Variants in FLRT2 observed in about 807,000 individuals in gnomAD.
FLRT2 encodes the protein leucine-rich repeat transmembrane protein FLRT2.
Under a neutral mutation model 40.0 loss-of-function variants are expected in FLRT2, and 15 were observed. The observed-to-expected ratio is 0.38, with a 90% CI of 0.25 to 0.58. The LOEUF (loss-of-function observed/expected upper bound fraction) is 0.58, where lower values mean the gene tolerates loss of function less well. Ranked by LOEUF, FLRT2 falls within the 20% of genes least tolerant of loss-of-function variation. FLRT2 has a pLI of 0.71. For synonymous variants in FLRT2, 380 were observed against 336.8 expected (o/e 1.13, Z -1.41); for missense variants, 726 against 840.0 (o/e 0.86, Z 1.68).
At chr14:85,531,050 C>T (rs1320467915) in intron 1 of FLRT2, 2 of 152,276 alleles carry the variant, frequency 1.3e-5, no homozygotes, top group Non-Finnish European at 2.9e-5. Flanking sequence ...ATACTAATTC[C>T]TTTTCCTTCC....
At chr14:85,541,437 A>G (rs1461155210) in intron 1 of FLRT2, among the ~76,000 whole-genome samples, 1 of 152,196 alleles carries the variant, frequency 6.6e-6, no homozygotes, top group Non-Finnish European at 1.5e-5. Context: ...AAGGGAGTGC[A>G]GTCAACACTA....
intron 1 of FLRT2, among the ~76,000 whole-genome samples, chr14:85,537,297 A>AT (rs1220694696): frequency 2.6e-5 from 4 of 152,068 alleles, no homozygotes; most frequent in Admixed American, 1.3e-4. Context: ...ATTATCTGAC[A>AT]TTTTCCAGAT....
At chr14:85,616,976 T>G (rs2139362146) in intron 1 of FLRT2, among the ~76,000 whole-genome samples, 1 of 152,330 alleles carries the variant, frequency 6.6e-6, no homozygotes, top group Non-Finnish European at 1.5e-5. Context: ...CTTAATTTTC[T>G]CTAGAAAATT....
At chr14:85,553,728 A>G (rs1222167016) in intron 1 of FLRT2, among the ~76,000 whole-genome samples, 3 of 152,188 alleles carry the variant, frequency 2.0e-5, no homozygotes, top group Non-Finnish European at 4.4e-5. Flanking sequence ...AAAGGGAAAA[A>G]GATTAGAGCC....
At chr14:85,590,011 T>C (rs1385442794) in intron 1 of FLRT2, among the ~76,000 whole-genome samples, 1 of 152,116 alleles carries the variant, frequency 6.6e-6, no homozygotes, top group Non-Finnish European at 1.5e-5. Context: ...CTCTGTAGTA[T>C]AATTTGAGGG....
intron 1 of FLRT2, among the ~76,000 whole-genome samples, chr14:85,611,907 T>C (rs2753613): frequency 0.85 from 126,324 of 148,348 alleles, 53,870 homozygotes; most frequent in East Asian, 0.93. Flanking sequence ...AGAGCGCGCG[T>C]GCGCGAAAGC....
Position 85,621,999 on chromosome 14 carries a change from A to C in FLRT2, c.485A>C (p.Lys162Thr). 6.2e-7 allele frequency: 1 copy of C among 1,607,842 alleles called. No individual in the cohort carries two copies. The highest frequency in any genetic ancestry group is 8.5e-7 in the Non-Finnish European group (1 of 1,176,982). The change falls in exon 2 of 2, where the codon AAA (lysine) becomes ACA (threonine). Residue 162 changes from lysine (K) to threonine (T), a missense_variant. Physicochemically the swap from Lys to Thr is moderately conservative, Grantham distance 78 (BLOSUM62 -1). Transcript: ENST00000330753. ...DGAFREAISL[K>T]LLFLSKNHLS... Reference sequence around the variant, plus strand: ...GCCTTCCGGGAGGCTATTAGCCTCAAATTGTTGTTTTTGTCTAAGAATCAC... The same window carrying C: ...GCCTTCCGGGAGGCTATTAGCCTCACATTGTTGTTTTTGTCTAAGAATCAC...
intron 1 of FLRT2, among the ~76,000 whole-genome samples, chr14:85,551,112 G>C (rs1889594360): frequency 1.3e-5 from 2 of 152,322 alleles, no homozygotes; most frequent in East Asian, 3.9e-4. Flanking sequence ...ATGAAATCTA[G>C]TGAGAAATCT....
Position 85,645,202 on chromosome 14 carries a change from ATGTATATATGTACACATG to A in FLRT2, c.*21718_*21735del, listed in dbSNP as rs1236083218. 3.8e-4 allele frequency: 57 copies of A among 151,848 alleles called. No homozygotes were observed. Among genetic ancestry groups the A allele is most frequent in the Admixed American group, 1.3e-3 (20 of 15,208 alleles). The allele number at this position is 151,848 out of a possible 1,614,324, so 9.4% of individuals were successfully genotyped here. The stretch of plus-strand genomic sequence containing the variant: ...TGTATACCTATATATATGTATACAT[ATGTATATATGTACACATG>A]TGTATATATGTATATACATATATGT... On this transcript the variant is annotated 3_prime_UTR_variant, in exon 2 of 2. Transcript: ENST00000330753.
intron 1 of FLRT2, among the ~76,000 whole-genome samples, chr14:85,564,244 A>G (rs546279845): frequency 2.6e-5 from 4 of 152,178 alleles, no homozygotes; most frequent in Non-Finnish European, 5.9e-5. Context: ...GCCAGTGACT[A>G]TGTATTACTC....
intron 1 of FLRT2, among the ~76,000 whole-genome samples, chr14:85,555,689 C>CTTTTTTATTTTATTT (rs372243726): frequency 0.033 from 3,857 of 117,830 alleles, 110 homozygotes; most frequent in African/African-American, 0.06. Flanking sequence ...TATCTGAAAT[C>CTTTTTTATTTTATTT]TATTTTATTT....
chr14:85,539,699 T>C (rs1282827416), intron 1 of FLRT2, among the ~76,000 whole-genome samples: 1 of 152,198 alleles, frequency 6.6e-6, no homozygotes, highest in East Asian at 1.9e-4. Flanking sequence ...TGTGTGAAAA[T>C]ACCTTGATAA....
At chr14:85,582,331 C>T (rs1215379666) in intron 1 of FLRT2, among the ~76,000 whole-genome samples, 1 of 152,152 alleles carries the variant, frequency 6.6e-6, no homozygotes, top group African/African-American at 2.4e-5. Context: ...TGACGGAAAG[C>T]TTGAATGGAG....
In FLRT2 at chr14:85,611,917, CGTGTGTGTGTGTGT is replaced by C. The variant is rs71120529; in HGVS notation, c.-376-9189_-376-9176del. Among the ~76,000 whole-genome samples, 725 of 130,942 alleles carry C rather than the reference CGTGTGTGTGTGTGT, an allele frequency of 5.5e-3. 8 individuals are homozygous for C. The highest frequency in any genetic ancestry group is 0.018 in the African/African-American group (627 of 35,222). 85.9% of individuals were successfully genotyped at this position (130,942 alleles called of 152,430 possible). A position where few individuals can be genotyped will look rare whatever the true frequency, so the allele number is the denominator to read the frequency against. On this transcript the variant is annotated intron_variant, in intron 1 of 1. Transcript: ENST00000330753. ...GAGAGAGAGCGCGCGTGCGCGAAAG[CGTGTGTGTGTGTGT>C]GTGTGTGTGTGTGTGTGTGTGTGTG...
chr14:85,572,383 G>A (rs1250263170), intron 1 of FLRT2, among the ~76,000 whole-genome samples: 2 of 152,104 alleles, frequency 1.3e-5, no homozygotes. Context: ...TTCTTTTGTA[G>A]TTGTTATTTA....
At position 85,639,297 on chromosome 14, in the gene FLRT2, G is replaced by C. The variant is rs964393100; in HGVS notation, c.*15800G>C. The C allele has an allele frequency of 2.0e-5, 3 of 152,126 alleles. No homozygotes were observed. The highest frequency in any genetic ancestry group is 4.8e-5 in the African/African-American group (2 of 41,412). 9.4% of individuals were successfully genotyped at this position (152,126 alleles called of 1,614,324 possible). ...AAGTTGTTTATGAGCATGCCTTCTC[G>C]TTAAGTTGACAAAATCTTGACAGGA... On this transcript the variant is annotated 3_prime_UTR_variant, in exon 2 of 2. Transcript: ENST00000330753.
intron 1 of FLRT2, among the ~76,000 whole-genome samples, chr14:85,611,919 TG>T (rs1267619800): frequency 3.2e-5 from 2 of 61,932 alleles, no homozygotes; most frequent in African/African-American, 8.0e-5. Context: ...CGCGAAAGCG[TG>T]TGTGTGTGTG....
At chr14:85,578,183 T>G (rs925976898) in intron 1 of FLRT2, among the ~76,000 whole-genome samples, 18 of 140,906 alleles carry the variant, frequency 1.3e-4, no homozygotes, top group Non-Finnish European at 2.0e-4. Flanking sequence ...AATATCTTTA[T>G]ATATATTTAT....
rs532506757 is a variant in FLRT2, at chr14:85,617,053, G to T, written c.-376-4086G>T. On this transcript the variant is annotated intron_variant, in intron 1 of 1. Coordinates refer to ENST00000330753, the MANE Select transcript of FLRT2 (RefSeq NM_013231.6). ...GTGTGTAGATCATCGGTTCTCAACAGTTGGCGATTTTCCCACTCCAGGGGA... is the reference window on the plus strand; with the variant it reads ...GTGTGTAGATCATCGGTTCTCAACATTTGGCGATTTTCCCACTCCAGGGGA... Among the ~76,000 whole-genome samples, 30 of 82,708 alleles carry T rather than the reference G, an allele frequency of 3.6e-4. No homozygotes were observed. In the South Asian group the frequency reaches 9.4e-3, roughly 26 times the overall value. The allele number at this position is 82,708 out of a possible 152,430, so 54.3% of individuals were successfully genotyped here. A position where few individuals can be genotyped will look rare whatever the true frequency, so the allele number is the denominator to read the frequency against.
Sources: allele counts gnomAD v4.1 joint callset (sites outside exome capture counted in the v4.1 genomes callset), GRCh38; gene constraint gnomAD v4.1.1; transcripts MANE v1.5; gene names NCBI Gene and HGNC (gene_info 2026-07-23, HGNC 2026-07-21).